The following SI variants were observed in gnomAD, a reference collection of about 807,000 sequenced individuals.
SI encodes the protein sucrase-isomaltase, intestinal.
SI carries 235 observed loss-of-function variants against 253.3 expected under a neutral mutation model. The observed-to-expected ratio is 0.93, with a 90% confidence interval of 0.83 to 1.03. The LOEUF is 1.03. SI is among the 50% of genes least tolerant of loss of function. The pLI, the probability that SI is intolerant of heterozygous loss-of-function variation, is 0.00. For synonymous variants in SI, 819 were observed against 712.0 expected (o/e 1.15, Z -2.39); for missense variants, 2,442 against 2,211.1 (o/e 1.10, Z -2.09).
Position 165,023,629 on chromosome 3 carries a change from G to A in SI, c.3040C>T (p.Pro1014Ser). The A allele has an allele frequency of 6.2e-7, 1 of 1,610,836 alleles. No individual in the cohort carries two copies. Among genetic ancestry groups the A allele is most frequent in the Non-Finnish European group, 8.5e-7 (1 of 1,177,936 alleles). Residue 1014 changes from proline (P) to serine (S), a missense_variant, in exon 26 of 48, where the codon CCC (proline) becomes TCC (serine). Physicochemically the swap from Pro to Ser is moderately conservative, Grantham distance 74. Transcript: ENST00000264382. ...ANARIKLPSD[P>S]ISTLRVEVKY... is the part of the protein sequence containing the mutation. ...ACCTCCACACGAAGAGTTGAGATGG[G>A]GTCAGAAGGTAACTTTATTCTGGCA...
chr3:165,089,988 A>G, the SI span, among the ~76,000 whole-genome samples: 1 of 152,128 alleles, frequency 6.6e-6, no homozygotes, highest in South Asian at 2.1e-4. Context: ...GGAAAATGAC[A>G]GCTCTTTTTG....
chr3:164,994,166 A>G (rs1350626320), intron 41 of SI, 91 bp downstream of exon 41: 2 of 1,207,036 alleles, frequency 1.7e-6, no homozygotes, highest in African/African-American at 1.5e-5. Flanking sequence ...CTGCCAATCT[A>G]AAATATTTTA....
At chr3:165,062,655 C>T (rs542694424) in intron 8 of SI, among the ~76,000 whole-genome samples, 172 bp from the exon 9 acceptor site, 26 of 151,806 alleles carry the variant, frequency 1.7e-4, no homozygotes, top group East Asian at 1.5e-3. Context: ...AAAAGTAAAA[C>T]GCCAACATGT....
Position 165,013,055 on chromosome 3 carries a change from A to G in SI, c.4000-13T>C, listed in dbSNP as rs774762896. The G allele has an allele frequency of 9.6e-6, 15 of 1,567,058 alleles. No individual in the cohort carries two copies. In the South Asian group the frequency reaches 1.6e-4, roughly 16 times the overall value. Reference sequence around the variant, plus strand: ...AATCTGGCCAAACCTACAAGAGACAAGACATGGAAAAGCTGATCAAAACAT... The same window carrying G: ...AATCTGGCCAAACCTACAAGAGACAGGACATGGAAAAGCTGATCAAAACAT... On this transcript the variant is annotated splice_polypyrimidine_tract_variant and intron_variant, in intron 33 of 47. Coordinates refer to ENST00000264382, the MANE Select transcript of SI (RefSeq NM_001041.4).
intron 45 of SI, 43 bp downstream of exon 45, chr3:164,987,095 A>T (rs975290873): frequency 7.3e-7 from 1 of 1,363,380 alleles, no homozygotes; most frequent in Non-Finnish European, 1.1e-6. Flanking sequence ...AATGTGATAG[A>T]ATACGACATC....
intron 27 of SI, 127 bp downstream of exon 27, chr3:165,021,102 A>G: frequency 1.3e-6 from 1 of 768,428 alleles, no homozygotes; most frequent in Non-Finnish European, 2.2e-6. Context: ...GGGCAAAGTT[A>G]TTTAACACGT....
chr3:165,043,191 A>G lies in SI; in HGVS notation c.1888-16T>C. The stretch of plus-strand genomic sequence containing the variant: ...CTGCTCCAACCTAAATAACAAATAT[A>G]TTTACTATTTATAATGTTAAGATTC... On this transcript the variant is annotated splice_polypyrimidine_tract_variant and intron_variant, in intron 16 of 47. Transcript: ENST00000264382. 6.6e-7 allele frequency: 1 copy of G among 1,514,984 alleles called. No homozygotes were observed. The highest frequency in any genetic ancestry group is 9.1e-7 in the Non-Finnish European group (1 of 1,094,698). The allele number at this position is 1,514,984 out of a possible 1,614,324, so 93.8% of individuals were successfully genotyped here. A position where few individuals can be genotyped will look rare whatever the true frequency, so the allele number is the denominator to read the frequency against.
At chr3:165,008,296 T>C (rs1440228609) in intron 35 of SI, among the ~76,000 whole-genome samples, 1 of 151,952 alleles carries the variant, frequency 6.6e-6, no homozygotes, top group Non-Finnish European at 1.5e-5. Flanking sequence ...ATATGTGCCC[T>C]ATCATCTCCT....
chr3:165,015,855 A>T, intron 32 of SI, 97 bp downstream of exon 32: 1 of 1,074,086 alleles, frequency 9.3e-7, no homozygotes, highest in Non-Finnish European at 1.4e-6. Context: ...TCAAAGTTAT[A>T]TACTTTCTAT....
At chr3:165,032,080 T>G (rs978975855) in intron 24 of SI, among the ~76,000 whole-genome samples, 1 of 151,264 alleles carries the variant, frequency 6.6e-6, no homozygotes, top group Non-Finnish European at 1.5e-5. Flanking sequence ...AGATATATTT[T>G]GAGGACAATG....
intron 44 of SI, 92 bp downstream of exon 44, chr3:164,991,261 T>C: frequency 7.1e-7 from 1 of 1,416,496 alleles, no homozygotes; most frequent in Non-Finnish European, 1.0e-6. Flanking sequence ...AGCTTGGCGA[T>C]GGGTTAAAAT....
chr3:165,058,818 C>A, intron 12 of SI, 145 bp downstream of exon 12: 14 of 603,898 alleles, frequency 2.3e-5, no homozygotes, highest in East Asian at 3.1e-5. Flanking sequence ...TAATATTTTT[C>A]TCCACAATTA....
intron 43 of SI, among the ~76,000 whole-genome samples, 154 bp from the exon 44 acceptor site, chr3:164,991,631 T>C (rs1268148862): frequency 5.9e-5 from 9 of 152,164 alleles, no homozygotes; most frequent in African/African-American, 1.9e-4. Flanking sequence ...TGTTTCACTA[T>C]AGTAACCATT....
In SI at chr3:165,017,720, TA is replaced by T. The variant is rs761683888; in HGVS notation, c.3633+40del. On this transcript the variant is annotated intron_variant, in intron 30 of 47. Transcript: ENST00000264382. ...GAACTAAGAGAATTACTTTATGCTA[TA>T]AAAATTTTTAATTTTTTTAAAAGAA... The T allele has an allele frequency of 4.3e-5, 68 of 1,596,452 alleles. 1 individual carries two copies. The highest frequency in any genetic ancestry group is 2.1e-4 in the South Asian group (19 of 89,458).
At chr3:165,077,452 G>A (rs1325848409) in intron 1 of SI, among the ~76,000 whole-genome samples, 1 of 151,614 alleles carries the variant, frequency 6.6e-6, no homozygotes, top group Non-Finnish European at 1.5e-5. Context: ...TATTAAGTAA[G>A]CAAAAACTTA....
At chr3:165,049,076 C>T (rs1560007632) in intron 15 of SI, 51 bp downstream of exon 15, 1 of 1,028,020 alleles carries the variant, frequency 9.7e-7, no homozygotes, top group Non-Finnish European at 1.6e-6. Context: ...TTATCAAAAA[C>T]ATTTTTAAGC....
At chr3:165,081,627 A>G (rs981041528), upstream of SI, among the ~76,000 whole-genome samples, 25 of 152,046 alleles carry the variant, frequency 1.6e-4, no homozygotes, top group Admixed American at 9.2e-4. Context: ...TAATGCAGAG[A>G]TATTTCAAAA....
chr3:165,003,425 T>C (rs1262843463), intron 37 of SI, among the ~76,000 whole-genome samples: 1 of 152,046 alleles, frequency 6.6e-6, no homozygotes, highest in African/African-American at 2.4e-5. Flanking sequence ...AAAGTAACAT[T>C]TGCCCCAGTG....
intron 26 of SI, 81 bp from the exon 27 acceptor site, chr3:165,021,464 C>T: frequency 6.5e-6 from 7 of 1,069,780 alleles, no homozygotes; most frequent in Middle Eastern, 2.1e-4. Context: ...TAAATAATGG[C>T]TCAAACAAGA....
Sources: gnomAD v4.1 joint callset for allele counts (sites outside exome capture counted in the v4.1 genomes callset) on GRCh38, gnomAD v4.1.1 for gene constraint, MANE v1.5 for transcripts, NCBI Gene and HGNC (gene_info 2026-07-23, HGNC 2026-07-21) for gene names.